Variants in SNX1 observed in about 807,000 individuals in gnomAD.
SNX1 encodes sorting nexin-1.
SNX1 carries 36 observed loss-of-function variants against 71.8 expected under a neutral mutation model. That is an observed-to-expected ratio of 0.50 (90% CI 0.38 to 0.66). The LOEUF is 0.66. Among genes scored for constraint, SNX1 ranks in the 30% least tolerant of loss-of-function variants. The probability of loss-of-function intolerance (pLI) is 0.00; values close to 1 mark genes in which losing one functional copy is unlikely to be tolerated. For synonymous variants in SNX1, 254 were observed against 240.7 expected (o/e 1.06, Z -0.51); for missense variants, 612 against 646.7 (o/e 0.95, Z 0.58).
chr15:64,142,322 T>A lies in SNX1; in HGVS notation c.*4704T>A. 1 of 228,776 alleles carries A rather than the reference T, an allele frequency of 4.4e-6. No homozygotes were observed. Among genetic ancestry groups the A allele is most frequent in the Non-Finnish European group, 8.8e-6 (1 of 113,472 alleles). 14.2% of individuals were successfully genotyped at this position (228,776 alleles called of 1,614,324 possible). A position where few individuals can be genotyped will look rare whatever the true frequency, so the allele number is the denominator to read the frequency against. On this transcript the variant is annotated 3_prime_UTR_variant, in exon 15 of 15. Coordinates refer to ENST00000559844, the MANE Select transcript of SNX1 (RefSeq NM_003099.5). Reference sequence around the variant, plus strand: ...CAGCCTAGGTGACAGAGCAAGATCTTGTCTCAAAAAAAAAAGCAGCTCTGG... The same window carrying A: ...CAGCCTAGGTGACAGAGCAAGATCTAGTCTCAAAAAAAAAAGCAGCTCTGG...
chr15:64,141,164 GC>G lies in SNX1; in HGVS notation c.*3551del, dbSNP rs533312798. 5.9e-5 allele frequency: 9 copies of G among 152,294 alleles called. No individual in the cohort carries two copies. In the South Asian group the frequency reaches 1.7e-3, roughly 28 times the overall value. The allele number at this position is 152,294 out of a possible 1,614,324, so 9.4% of individuals were successfully genotyped here. On this transcript the variant is annotated 3_prime_UTR_variant, in exon 15 of 15. Coordinates refer to ENST00000559844, the MANE Select transcript of SNX1 (RefSeq NM_003099.5). This position sits in a 1 kb window ranked among gnomAD's most constrained non-coding sequence, Gnocchi z 5.1. Reference sequence around the variant, plus strand: ...CAGCCCTGTAGGTTTATTCCAGTCTGCCCCCTTTTCCATGTTGTTAACTCTT... The same window carrying G: ...CAGCCCTGTAGGTTTATTCCAGTCTGCCCCTTTTCCATGTTGTTAACTCTT...
intron 13 of SNX1, 65 bp from the exon 14 acceptor site, chr15:64,136,796 A>C (rs2081364207): frequency 8.1e-7 from 1 of 1,237,338 alleles, no homozygotes; most frequent in African/African-American, 1.5e-5. Context: ...TCAGCAATAA[A>C]CACCACCATC....
At chr15:64,132,597 A>G (rs1272635178) in intron 11 of SNX1, among the ~76,000 whole-genome samples, 1 of 152,222 alleles carries the variant, frequency 6.6e-6, no homozygotes, top group East Asian at 1.9e-4. Context: ...TCCCTAAGAC[A>G]GAGGAAAGAA....
intron 1 of SNX1, among the ~76,000 whole-genome samples, chr15:64,109,500 G>T (rs1313344348): frequency 1.4e-5 from 2 of 144,398 alleles, no homozygotes; most frequent in African/African-American, 4.9e-5. Context: ...TTTTTGTTTT[G>T]TTTTGTTTTG....
rs373741864 is a variant in SNX1 at position 64,136,968 on chromosome 15, C to T, written c.1518+36C>T. 2.2e-5 allele frequency: 34 copies of T among 1,575,168 alleles called. No individual in the cohort carries two copies. The African/African-American group carries it at 4.6e-4, about 21-fold the overall frequency. On this transcript the variant is annotated intron_variant, in intron 14 of 14. Transcript: ENST00000559844. ...TGTGTGTGACCTTCATCCTCTACTG[C>T]CTGCTCCAAAGGCCAGCTGCCTCCT...
chr15:64,125,164 C>T (rs1014140842), intron 5 of SNX1, among the ~76,000 whole-genome samples: 65 of 152,238 alleles, frequency 4.3e-4, no homozygotes, highest in African/African-American at 1.5e-3. Context: ...AGCTAATACC[C>T]TTAAATAAGT....
At chr15:64,099,147 G>C (rs1307140711) in intron 1 of SNX1, among the ~76,000 whole-genome samples, 1 of 152,232 alleles carries the variant, frequency 6.6e-6, no homozygotes, top group African/African-American at 2.4e-5. Flanking sequence ...AAGTAATTAA[G>C]AGTGTGGGCT....
intron 2 of SNX1, among the ~76,000 whole-genome samples, chr15:64,113,328 G>A (rs975966015): frequency 1.3e-5 from 2 of 152,066 alleles, no homozygotes; most frequent in African/African-American, 2.4e-5. Context: ...CAACAGAGGG[G>A]GTGCTTTTGC....
intron 5 of SNX1, among the ~76,000 whole-genome samples, chr15:64,125,008 C>T (rs934381817): frequency 1.3e-5 from 2 of 152,112 alleles, no homozygotes; most frequent in East Asian, 1.9e-4. Flanking sequence ...TGTTGGCCTG[C>T]GTCCTGTGAG....
At position 64,143,822 on chromosome 15, in the gene SNX1, A is replaced by C. The variant is rs2081437947; in HGVS notation, c.*6204A>C. On this transcript the variant is annotated 3_prime_UTR_variant, in exon 15 of 15. Coordinates refer to ENST00000559844, the MANE Select transcript of SNX1 (RefSeq NM_003099.5). ...ATCCTCATAGGCACTTCTAGAAACCAAATCCTTGAAGATGACTAACCAGAA... is the reference window on the plus strand; with the variant it reads ...ATCCTCATAGGCACTTCTAGAAACCCAATCCTTGAAGATGACTAACCAGAA... 1 of 152,240 alleles carries C rather than the reference A, an allele frequency of 6.6e-6. No homozygotes were observed. 9.4% of individuals were successfully genotyped at this position (152,240 alleles called of 1,614,324 possible).
At chr15:64,137,005 C>A in intron 14 of SNX1, 73 bp downstream of exon 14, 1 of 1,225,770 alleles carries the variant, frequency 8.2e-7, no homozygotes, top group Non-Finnish European at 1.2e-6. Context: ...GGGGCTTCTG[C>A]AACAAGATGT....
intron 1 of SNX1, among the ~76,000 whole-genome samples, chr15:64,096,633 A>G (rs1251361232): frequency 1.3e-5 from 2 of 152,196 alleles, no homozygotes; most frequent in Non-Finnish European, 1.5e-5. Context: ...TTAGCCCAGC[A>G]TTTACCGATA....
At chr15:64,122,195 T>C (rs890007114) in intron 4 of SNX1, among the ~76,000 whole-genome samples, 2 of 152,230 alleles carry the variant, frequency 1.3e-5, no homozygotes, top group African/African-American at 4.8e-5. Flanking sequence ...ATTGACTTCT[T>C]GGACATTTGA....
intron 1 of SNX1, among the ~76,000 whole-genome samples, chr15:64,098,212 T>C (rs921397516): frequency 2.0e-5 from 3 of 152,248 alleles, no homozygotes; most frequent in African/African-American, 7.2e-5. Flanking sequence ...AGTAAGTATT[T>C]AGTCTGTTCC....
Position 64,137,643 on chromosome 15 carries a change from CT to C in SNX1, c.*26del, listed in dbSNP as rs1336748859. 2 of 1,614,120 alleles carry C rather than the reference CT, an allele frequency of 1.2e-6. No individual in the cohort carries two copies. The highest frequency in any genetic ancestry group is 1.7e-6 in the Non-Finnish European group (2 of 1,179,990). The stretch of plus-strand genomic sequence containing the variant: ...ATGGACCAAGGACCCCAGAGCCCAC[CT>C]GTGTGACGCTGCCTTTTTATACACT... On this transcript the variant is annotated 3_prime_UTR_variant, in exon 15 of 15. Transcript: ENST00000559844.
Position 64,140,481 on chromosome 15 carries a change from A to C in SNX1, c.*2863A>C, listed in dbSNP as rs1288214161. The C allele has an allele frequency of 6.6e-6, 1 of 152,180 alleles. No individual in the cohort carries two copies. The allele number at this position is 152,180 out of a possible 1,614,324, so 9.4% of individuals were successfully genotyped here. A position where few individuals can be genotyped will look rare whatever the true frequency, so the allele number is the denominator to read the frequency against. On this transcript the variant is annotated 3_prime_UTR_variant, in exon 15 of 15. Coordinates refer to ENST00000559844, the MANE Select transcript of SNX1 (RefSeq NM_003099.5). ...TGGCATAACAAGATGTTCCAGGCTCATCTTGAATGTTCCCTACCCTAGCCC... is the reference window on the plus strand; with the variant it reads ...TGGCATAACAAGATGTTCCAGGCTCCTCTTGAATGTTCCCTACCCTAGCCC...
At position 64,137,797 on chromosome 15, in the gene SNX1, A is replaced by G. The variant is rs1000754552; in HGVS notation, c.*179A>G. On this transcript the variant is annotated 3_prime_UTR_variant, in exon 15 of 15. Coordinates refer to ENST00000559844, the MANE Select transcript of SNX1 (RefSeq NM_003099.5). ...CCGTTATTTCATTTAGCTTCCATAT[A>G]TATTTTCTTACCTAAGAGAATAGTT... The G allele has an allele frequency of 6.3e-6, 9 of 1,430,556 alleles. No individual in the cohort carries two copies. The highest frequency in any genetic ancestry group is 5.8e-5 in the Admixed American group (2 of 34,630). The allele number at this position is 1,430,556 out of a possible 1,614,324, so 88.6% of individuals were successfully genotyped here.
In SNX1 at chr15:64,129,189, G is replaced by A. The variant is rs1207544244; in HGVS notation, c.808-727G>A. Reference sequence around the variant, plus strand: ...TTGAACCCTGGAGGCAGAGGTTGCCGTGAGCTGAGATCGTGCCACTGCACT... The same window carrying A: ...TTGAACCCTGGAGGCAGAGGTTGCCATGAGCTGAGATCGTGCCACTGCACT... On this transcript the variant is annotated intron_variant, in intron 8 of 14. Coordinates refer to ENST00000559844, the MANE Select transcript of SNX1 (RefSeq NM_003099.5). This position sits in a 1 kb window ranked among gnomAD's most constrained non-coding sequence, Gnocchi z 4.4. Among the ~76,000 whole-genome samples, 5 of 151,850 alleles carry A rather than the reference G, an allele frequency of 3.3e-5. No individual in the cohort carries two copies. The highest frequency in any genetic ancestry group is 1.3e-4 in the Admixed American group (2 of 15,268).
chr15:64,124,495 A>C (rs1350999714), intron 5 of SNX1, among the ~76,000 whole-genome samples: 10 of 143,490 alleles, frequency 7.0e-5, no homozygotes, highest in Admixed American at 6.9e-4. Context: ...CGACAGAGGG[A>C]GACTCTGTCT....
Sources: allele counts gnomAD v4.1 joint callset (sites outside exome capture counted in the v4.1 genomes callset), GRCh38; gene constraint gnomAD v4.1.1; non-coding constraint Gnocchi (gnomAD v3.1); transcripts MANE v1.5; gene names NCBI Gene and HGNC (gene_info 2026-07-23, HGNC 2026-07-21).